CLIP4: variants seen among roughly 807,000 people sequenced by gnomAD.
CLIP4 encodes CAP-Gly domain-containing linker protein 4.
CLIP4 carries 47 observed loss-of-function variants against 73.1 expected under a neutral mutation model. The observed-to-expected ratio is 0.64, with a 90% CI of 0.51 to 0.82. CLIP4 has a LOEUF of 0.82. Among genes scored for constraint, CLIP4 ranks in the 40% least tolerant of loss-of-function variants. The probability of loss-of-function intolerance (pLI) is 0.00; values close to 1 mark genes in which losing one functional copy is unlikely to be tolerated. For synonymous variants in CLIP4, 306 were observed against 295.4 expected, an observed-to-expected ratio of 1.04 and a Z score of -0.37; for missense variants, 874 against 852.9, an observed-to-expected ratio of 1.02 and a Z score of -0.31.
intron 15 of CLIP4, among the ~76,000 whole-genome samples, chr2:29,181,250 C>T (rs1668626898): frequency 6.6e-6 from 1 of 152,100 alleles, no homozygotes; most frequent in South Asian, 2.1e-4. Context: ...TCATAAAGAT[C>T]TTCTTCTTCA....
intron 15 of CLIP4, among the ~76,000 whole-genome samples, chr2:29,176,836 A>G (rs775302942): frequency 2.6e-5 from 4 of 152,156 alleles, no homozygotes; most frequent in Admixed American, 6.5e-5. Flanking sequence ...GCTCATTGGC[A>G]TGGTTTGGTC....
chr2:29,163,587 G>A lies in CLIP4; in HGVS notation c.1535-244G>A, dbSNP rs370172791. Reference sequence around the variant, plus strand: ...CAATTCTTGCCAAATTTGTGTTTGTGCATTTTATTTTCCTCCTTTAATGTA... The same window carrying A: ...CAATTCTTGCCAAATTTGTGTTTGTACATTTTATTTTCCTCCTTTAATGTA... On this transcript the variant is annotated intron_variant, in intron 12 of 15. Transcript: ENST00000320081. 1.2e-4 allele frequency among the ~76,000 whole-genome samples: 18 copies of A among 152,194 alleles called. No individual in the cohort carries two copies. The East Asian group carries it at 1.3e-3, about 11-fold the overall frequency.
chr2:29,153,239 A>T (rs1666699933), intron 9 of CLIP4, among the ~76,000 whole-genome samples: 1 of 152,248 alleles, frequency 6.6e-6, no homozygotes, highest in Admixed American at 6.5e-5. Context: ...AGAGTCTCAC[A>T]CGGCTTCCAT....
At chr2:29,142,823 T>C (rs931793881) in intron 6 of CLIP4, among the ~76,000 whole-genome samples, 1 of 152,196 alleles carries the variant, frequency 6.6e-6, no homozygotes, top group African/African-American at 2.4e-5. Flanking sequence ...CTAAATTATT[T>C]CTCATGAAGT....
intron 9 of CLIP4, 149 bp downstream of exon 9, chr2:29,152,977 C>T: frequency 1.2e-6 from 1 of 844,548 alleles, no homozygotes; most frequent in Non-Finnish European, 1.8e-6. Flanking sequence ...TTTTAAACCT[C>T]AATTTTAATG....
chr2:29,130,713 A>AT, intron 2 of CLIP4: 1 of 1,221,498 alleles, frequency 8.2e-7, no homozygotes, highest in Non-Finnish European at 1.0e-6. Context: ...CTCTGCTTGT[A>AT]TATGTGTCTT....
intron 8 of CLIP4, among the ~76,000 whole-genome samples, chr2:29,149,817 A>T (rs941789346): frequency 4.6e-5 from 7 of 151,960 alleles, no homozygotes; most frequent in African/African-American, 1.7e-4. Flanking sequence ...TAAATATTTA[A>T]TTTAATACAC....
chr2:29,111,688 A>C (rs553563620), upstream of CLIP4, among the ~76,000 whole-genome samples: 1 of 152,294 alleles, frequency 6.6e-6, no homozygotes, highest in African/African-American at 2.4e-5. Context: ...ATTAATCCCT[A>C]GTTGCTTTTG....
rs148345183 is a variant in CLIP4 at position 29,158,573 on chromosome 2, A to G, written c.1399+1226A>G. ...AGTCTGTGTTGGGAACCCCAGAGACATGTACTTAAAACATGTTTCTCTAGT... is the reference window on the plus strand; with the variant it reads ...AGTCTGTGTTGGGAACCCCAGAGACGTGTACTTAAAACATGTTTCTCTAGT... On this transcript the variant is annotated intron_variant, in intron 11 of 15. Transcript: ENST00000320081. 4.9e-4 allele frequency among the ~76,000 whole-genome samples: 74 copies of G among 152,300 alleles called. 2 individuals carry two copies. In the South Asian group the frequency reaches 6.8e-3, roughly 14 times the overall value.
intron 6 of CLIP4, among the ~76,000 whole-genome samples, chr2:29,143,097 A>G (rs527287825): frequency 1.3e-5 from 2 of 152,386 alleles, no homozygotes; most frequent in Non-Finnish European, 2.9e-5. Context: ...CTGAGGTCAC[A>G]GAGCCAAGAG....
intron 9 of CLIP4, among the ~76,000 whole-genome samples, chr2:29,155,875 A>G (rs188866970): frequency 2.0e-3 from 300 of 152,238 alleles, no homozygotes; most frequent in Non-Finnish European, 3.5e-3. Flanking sequence ...CTCCTTCTTT[A>G]CAGAAGAGTT....
chr2:29,133,535 T>G, intron 4 of CLIP4, 120 bp from the exon 5 acceptor site: 1 of 786,368 alleles, frequency 1.3e-6, no homozygotes, highest in South Asian at 2.6e-5. Flanking sequence ...AAGTGAAATT[T>G]TTGAAGTGTG....
intron 14 of CLIP4, among the ~76,000 whole-genome samples, chr2:29,169,329 CTGTGTGTGTGTGTG>C (rs70958249): frequency 0.034 from 4,832 of 140,392 alleles, 113 homozygotes; most frequent in South Asian, 0.056. Flanking sequence ...GTCTTTTTCA[CTGTGTGTGTGTGTG>C]TGTGTGTGTG....
intron 15 of CLIP4, among the ~76,000 whole-genome samples, chr2:29,177,210 A>C (rs1194977099): frequency 6.6e-6 from 1 of 152,032 alleles, no homozygotes; most frequent in Admixed American, 6.6e-5. Context: ...GGAGATCGAG[A>C]TCATCTTGGC....
intron 9 of CLIP4, 131 bp downstream of exon 9, chr2:29,152,959 T>G: frequency 1.0e-6 from 1 of 988,878 alleles, no homozygotes; most frequent in Non-Finnish European, 1.5e-6. Flanking sequence ...AACCTGCATC[T>G]TATGTGTTTT....
chr2:29,115,817 G>T lies in CLIP4; in HGVS notation c.-16+152G>T, dbSNP rs1221880958. ...TGGGGGCTGTGGAAGCCCCGCGGCC[G>T]CCTCCCGTGGGCACCGGTGTCGCTG... On this transcript the variant is annotated intron_variant, in intron 1 of 15. Transcript: ENST00000320081. This position sits in a 1 kb window ranked among gnomAD's most constrained non-coding sequence, Gnocchi z 5.1. Among the ~76,000 whole-genome samples the T allele has an allele frequency of 6.6e-6, 1 of 151,640 alleles. No homozygotes were observed. Among genetic ancestry groups the T allele is most frequent in the Non-Finnish European group, 1.5e-5 (1 of 67,870 alleles).
intron 2 of CLIP4, chr2:29,130,970 A>T (rs977830682): frequency 2.4e-5 from 29 of 1,199,248 alleles, no homozygotes; most frequent in Non-Finnish European, 3.0e-5. Flanking sequence ...CAGATTTGCC[A>T]CTTACTAGCT....
chr2:29,121,371 T>C lies in CLIP4; in HGVS notation c.-15-3T>C, dbSNP rs1664238435. The C allele has an allele frequency of 6.3e-7, 1 of 1,594,494 alleles. No homozygotes were observed. On this transcript the variant is annotated splice_polypyrimidine_tract_variant and splice_region_variant and intron_variant, in intron 1 of 15. Coordinates refer to ENST00000320081, the MANE Select transcript of CLIP4 (RefSeq NM_024692.6). Reference sequence around the variant, plus strand: ...AACACTTTTTTTTTCTTTCTTATTATAGGTGGCTTTCTAGAAGATGACCAT... The same window carrying C: ...AACACTTTTTTTTTCTTTCTTATTACAGGTGGCTTTCTAGAAGATGACCAT...
chr2:29,131,158 A>C, intron 2 of CLIP4, 100 bp from the exon 3 acceptor site: 2 of 1,078,274 alleles, frequency 1.9e-6, no homozygotes, highest in Non-Finnish European at 2.6e-6. Context: ...TAGCATCTAA[A>C]ATATTTGTAT....
Sources: gnomAD v4.1 joint callset for allele counts (sites outside exome capture counted in the v4.1 genomes callset) on GRCh38, gnomAD v4.1.1 for gene constraint, Gnocchi (gnomAD v3.1) non-coding constraint, MANE v1.5 for transcripts, NCBI Gene and HGNC (gene_info 2026-07-23, HGNC 2026-07-21) for gene names.